The following COL11A1 variants were observed in gnomAD, a reference collection of about 807,000 sequenced individuals.
COL11A1 encodes collagen type XI alpha 1 chain.
Under a neutral mutation model 265.2 loss-of-function variants are expected in COL11A1, and 74 were observed. The observed-to-expected ratio is 0.28, with a 90% CI of 0.23 to 0.34. The LOEUF (loss-of-function observed/expected upper bound fraction) is 0.34. Ranked by LOEUF, COL11A1 falls within the 10% of genes least tolerant of loss-of-function variation. The pLI is 1.00. For missense variants in COL11A1, 2,165 were observed against 2,263.6 expected, an observed-to-expected ratio of 0.96 and a Z score of 0.88; for synonymous variants, 816 against 727.6, an observed-to-expected ratio of 1.12 and a Z score of -1.96.
At position 102,998,295 on chromosome 1, in the gene COL11A1, G is replaced by A. The variant is rs768084384; in HGVS notation, c.2196+15C>T. On this transcript the variant is annotated intron_variant, in intron 25 of 66. Coordinates refer to ENST00000370096, the MANE Select transcript of COL11A1 (RefSeq NM_001854.4). ...AATGTAAAGAAATTTTAATGACCAGGTAGCTGTTACTTACAGGAGGCCCAT... is the reference window on the plus strand; with the variant it reads ...AATGTAAAGAAATTTTAATGACCAGATAGCTGTTACTTACAGGAGGCCCAT... 19 of 1,602,170 alleles carry A rather than the reference G, an allele frequency of 1.2e-5. No homozygotes were observed. The highest frequency in any genetic ancestry group is 2.2e-5 in the East Asian group (1 of 44,718).
At chr1:102,905,051 T>G (rs1283391444) in intron 54 of COL11A1, among the ~76,000 whole-genome samples, 2 of 151,578 alleles carry the variant, frequency 1.3e-5, no homozygotes, top group East Asian at 1.9e-4. Context: ...CCATAAAAAA[T>G]GATGAGTTCA....
chr1:103,014,065 T>A (rs1666354696), intron 13 of COL11A1, among the ~76,000 whole-genome samples: 1 of 152,160 alleles, frequency 6.6e-6, no homozygotes, highest in African/African-American at 2.4e-5. Flanking sequence ...GCCCAAAAAA[T>A]TTAATTTTCT....
intron 4 of COL11A1, among the ~76,000 whole-genome samples, chr1:103,046,657 G>A (rs1431227844): frequency 6.6e-6 from 1 of 151,258 alleles, no homozygotes; most frequent in Non-Finnish European, 1.5e-5. Context: ...TGCTTTTGGT[G>A]TTTTAGACAT....
At chr1:102,989,460 A>G (rs1663905025) in intron 29 of COL11A1, 58 bp downstream of exon 29, 3 of 1,067,644 alleles carry the variant, frequency 2.8e-6, no homozygotes, top group Non-Finnish European at 4.0e-6. Flanking sequence ...TAAGCAAAGG[A>G]AAAAATATAT....
Position 102,974,876 on chromosome 1 carries a change from T to G in COL11A1, c.2762A>C (p.Gln921Pro). The G allele has an allele frequency of 1.2e-6, 2 of 1,613,004 alleles. No individual in the cohort carries two copies. Among genetic ancestry groups the G allele is most frequent in the African/African-American group, 2.7e-5 (2 of 75,042 alleles). Reference protein sequence around the residue: ...PPGPPGERGPQGPQGPVGFPG... With the variant: ...PPGPPGERGPPGPQGPVGFPG... ...GAATCCAACTGGACCCTGAGGTCCT[T>G]GAGGACCCTGGAAATAAAAAGCAGT... The change falls in exon 36 of 67, where the codon CAA becomes CCA. Residue 921 changes from glutamine to proline, a missense_variant. Coordinates refer to ENST00000370096, the MANE Select transcript of COL11A1 (RefSeq NM_001854.4).
chr1:102,903,364 C>A (rs1040982334), intron 54 of COL11A1, among the ~76,000 whole-genome samples: 2 of 151,984 alleles, frequency 1.3e-5, no homozygotes, highest in African/African-American at 4.8e-5. Context: ...ATCATTCATG[C>A]GTAAGATTCA....
chr1:102,898,784 G>A lies in COL11A1; in HGVS notation c.4141-11C>T, dbSNP rs771566681. 10 of 1,607,204 alleles carry A rather than the reference G, an allele frequency of 6.2e-6. No homozygotes were observed. The highest frequency in any genetic ancestry group is 1.7e-4 in the Middle Eastern group (1 of 6,052). On this transcript the variant is annotated splice_polypyrimidine_tract_variant and intron_variant, in intron 55 of 66. Coordinates refer to ENST00000370096, the MANE Select transcript of COL11A1 (RefSeq NM_001854.4). ...TGCACCTGCTTCCCCCTGTTAGAAA[G>A]TAAAATATGGGAGCACATTAGTGAT...
intron 64 of COL11A1, among the ~76,000 whole-genome samples, chr1:102,882,329 T>C (rs1282038435): frequency 1.3e-5 from 2 of 152,172 alleles, no homozygotes; most frequent in Admixed American, 6.6e-5. Flanking sequence ...GTCTTCACAA[T>C]AGGGAACTCG....
intron 44 of COL11A1, among the ~76,000 whole-genome samples, chr1:102,937,749 C>T (rs1396801398): frequency 6.6e-6 from 1 of 152,144 alleles, no homozygotes; most frequent in African/African-American, 2.4e-5. Context: ...AGATGCCAGC[C>T]CCAGGCTTCT....
At chr1:102,915,157 A>G (rs1241641804) in intron 50 of COL11A1, among the ~76,000 whole-genome samples, 1 of 152,086 alleles carries the variant, frequency 6.6e-6, no homozygotes, top group Non-Finnish European at 1.5e-5. Context: ...GCCCTTTAAG[A>G]AGTCCAATGG....
chr1:103,095,527 C>A (rs1156667482), intron 1 of COL11A1, among the ~76,000 whole-genome samples: 1 of 151,944 alleles, frequency 6.6e-6, no homozygotes, highest in South Asian at 2.1e-4. Context: ...GAACAGAATT[C>A]TAAGCAAAAG....
intron 6 of COL11A1, chr1:103,025,848 C>G: frequency 6.2e-7 from 1 of 1,613,438 alleles, no homozygotes; most frequent in Non-Finnish European, 8.5e-7. Context: ...TTTTCTTCTT[C>G]TTGGATGAAA....
intron 31 of COL11A1, among the ~76,000 whole-genome samples, chr1:102,980,587 A>C (rs993204183): frequency 1.3e-5 from 2 of 152,122 alleles, no homozygotes; most frequent in African/African-American, 4.8e-5. Flanking sequence ...CTAGACATCA[A>C]ATTTTACAAA....
chr1:103,076,027 AG>A (rs1259489434), intron 3 of COL11A1, among the ~76,000 whole-genome samples: 1 of 152,168 alleles, frequency 6.6e-6, no homozygotes, highest in Non-Finnish European at 1.5e-5. Flanking sequence ...TTTCATTAAC[AG>A]AAAATAAAAA....
intron 41 of COL11A1, among the ~76,000 whole-genome samples, chr1:102,949,393 T>C (rs1659645227): frequency 6.6e-6 from 1 of 151,042 alleles, no homozygotes; most frequent in Non-Finnish European, 1.5e-5. Flanking sequence ...AGAGGTGCGA[T>C]TTTAATTTGT....
chr1:103,050,361 TC>T (rs1669705582), intron 4 of COL11A1, among the ~76,000 whole-genome samples: 2 of 152,208 alleles, frequency 1.3e-5, no homozygotes, highest in African/African-American at 4.8e-5. Flanking sequence ...TCATCTTCCA[TC>T]ACTGATACCC....
At chr1:103,068,647 G>T (rs1671335924) in intron 4 of COL11A1, among the ~76,000 whole-genome samples, 2 of 150,870 alleles carry the variant, frequency 1.3e-5, no homozygotes, top group Admixed American at 6.6e-5. Context: ...CATAAAGATA[G>T]AAAACTTGCA....
chr1:102,975,723 G>A (rs186943044), intron 35 of COL11A1, among the ~76,000 whole-genome samples: 58 of 152,134 alleles, frequency 3.8e-4, no homozygotes, highest in African/African-American at 1.3e-3. Context: ...GATAACATAA[G>A]TAAAATGTCT....
chr1:102,925,177 G>A (rs190051664), intron 46 of COL11A1, among the ~76,000 whole-genome samples: 2 of 152,170 alleles, frequency 1.3e-5, no homozygotes, highest in East Asian at 3.9e-4. Context: ...GTGAGCCACT[G>A]TGAAAAATGT....
Sources: gnomAD v4.1 joint callset for allele counts (sites outside exome capture counted in the v4.1 genomes callset) on GRCh38, gnomAD v4.1.1 for gene constraint, MANE v1.5 for transcripts, NCBI Gene and HGNC (gene_info 2026-07-23, HGNC 2026-07-21) for gene names.